Variants in AGAP1 observed in about 807,000 individuals in gnomAD.
The protein encoded by AGAP1 is arf-GAP with GTPase, ANK repeat and PH domain-containing protein 1.
AGAP1 carries 29 observed loss-of-function variants against 105.3 expected under a neutral mutation model. The ratio of observed to expected loss-of-function variants is 0.28; its 90% CI spans 0.21 to 0.38. AGAP1 has a LOEUF of 0.38. AGAP1 is among the 10% of genes least tolerant of loss of function. The probability of loss-of-function intolerance (pLI) is 1.00; values close to 1 mark genes in which losing one functional copy is unlikely to be tolerated. For missense variants in AGAP1, 998 were observed against 1,165.1 expected, an observed-to-expected ratio of 0.86 and a Z score of 2.09; for synonymous variants, 509 against 485.9, an observed-to-expected ratio of 1.05 and a Z score of -0.63.
intron 1 of AGAP1, among the ~76,000 whole-genome samples, chr2:235,675,406 C>T (rs1948683848): frequency 6.6e-6 from 1 of 151,998 alleles, no homozygotes; most frequent in Admixed American, 6.5e-5. Flanking sequence ...GTCTCAATCT[C>T]CTGACCTCGT....
intron 1 of AGAP1, among the ~76,000 whole-genome samples, chr2:235,495,452 A>G (rs958962011): frequency 1.3e-5 from 2 of 152,220 alleles, no homozygotes; most frequent in African/African-American, 4.8e-5. Flanking sequence ...GTACCAACCA[A>G]AAGTCCGGGG....
At chr2:235,968,730 A>G in intron 13 of AGAP1, 107 bp downstream of exon 13, 1 of 1,159,904 alleles carries the variant, frequency 8.6e-7, no homozygotes, top group Non-Finnish European at 1.2e-6. Context: ...ATGCACAGTA[A>G]TGCTGGTCAC....
intron 1 of AGAP1, among the ~76,000 whole-genome samples, chr2:235,579,599 C>T (rs1409701368): frequency 1.3e-5 from 2 of 152,040 alleles, no homozygotes; most frequent in Non-Finnish European, 2.9e-5. Flanking sequence ...CACAGTGAAA[C>T]CCCGTCTCTA....
At chr2:236,018,717 C>G (rs777409899) in intron 13 of AGAP1, among the ~76,000 whole-genome samples, 38 of 152,336 alleles carry the variant, frequency 2.5e-4, no homozygotes, top group South Asian at 6.2e-4. Flanking sequence ...GGTGATGACA[C>G]TTGCATCCAG....
At position 235,894,272 on chromosome 2, in the gene AGAP1, T is replaced by C. The variant is rs115596569; in HGVS notation, c.1155+10823T>C. Among the ~76,000 whole-genome samples the C allele has an allele frequency of 6.2e-3, 939 of 152,232 alleles. 10 individuals carry two copies. The highest frequency in any genetic ancestry group is 0.022 in the African/African-American group (895 of 41,546). Reference sequence around the variant, plus strand: ...GGGGGAAGCAGGAAGAATCCCCAGTTGGTTGGCTATTCTTGGGACCGAAGA... The same window carrying C: ...GGGGGAAGCAGGAAGAATCCCCAGTCGGTTGGCTATTCTTGGGACCGAAGA... On this transcript the variant is annotated intron_variant, in intron 10 of 17. Transcript: ENST00000304032.
intron 3 of AGAP1, 86 bp downstream of exon 3, chr2:235,717,730 G>A: frequency 1.8e-6 from 2 of 1,107,208 alleles, no homozygotes; most frequent in East Asian, 5.1e-5. Flanking sequence ...TGACTTTGAT[G>A]TATCACAGGT....
At chr2:235,527,258 A>C (rs1202817873) in intron 1 of AGAP1, among the ~76,000 whole-genome samples, 1 of 152,214 alleles carries the variant, frequency 6.6e-6, no homozygotes, top group African/African-American at 2.4e-5. Flanking sequence ...CTGCTTAGAC[A>C]TTTAAATTGA....
In AGAP1 at chr2:235,905,466, T is replaced by C. The variant is rs1245391484; in HGVS notation, c.1156-3272T>C. On this transcript the variant is annotated intron_variant, in intron 10 of 17. Transcript: ENST00000304032. The surrounding 1 kb of genome is among the most constrained non-coding windows in gnomAD (Gnocchi z 4.2). ...ACCTTTTTTAGGAAGTGACCAACAC[T>C]CACCACTCTACGGTGTGCTTTTCCT... Among the ~76,000 whole-genome samples, 1 of 152,188 alleles carries C rather than the reference T, an allele frequency of 6.6e-6. No homozygotes were observed. Among genetic ancestry groups the C allele is most frequent in the East Asian group, 1.9e-4 (1 of 5,190 alleles).
At position 236,109,986 on chromosome 2, in the gene AGAP1, G is replaced by A. The variant is rs2059602376; in HGVS notation, c.2115-10206G>A. ...CACCTAGACTCTCAAAGCCCAGAGA[G>A]TCTGGTTGTACAGATGGGAAGATGT... On this transcript the variant is annotated intron_variant, in intron 16 of 17. Coordinates refer to ENST00000304032, the MANE Select transcript of AGAP1 (RefSeq NM_001037131.3). This position sits in a 1 kb window ranked among gnomAD's most constrained non-coding sequence, Gnocchi z 5.4. Among the ~76,000 whole-genome samples the A allele has an allele frequency of 6.6e-6, 1 of 152,190 alleles. No homozygotes were observed. The highest frequency in any genetic ancestry group is 2.1e-4 in the South Asian group (1 of 4,830).
chr2:236,021,810 T>C (rs926711988), intron 13 of AGAP1, among the ~76,000 whole-genome samples: 3 of 151,888 alleles, frequency 2.0e-5, no homozygotes, highest in African/African-American at 7.3e-5. Flanking sequence ...TCTAATCCCA[T>C]CACTTTGGGA....
In AGAP1 at chr2:235,569,131, A is replaced by G. The variant is rs1266804166; in HGVS notation, c.163+74282A>G. Among the ~76,000 whole-genome samples, 4 of 152,252 alleles carry G rather than the reference A, an allele frequency of 2.6e-5. No individual in the cohort carries two copies. Among genetic ancestry groups the G allele is most frequent in the Admixed American group, 6.5e-5 (1 of 15,288 alleles). Reference sequence around the variant, plus strand: ...GTTGTCAGAGACCATCCTGGCCAACATGGCGGAAACCCGTCTCTATTAAAA... The same window carrying G: ...GTTGTCAGAGACCATCCTGGCCAACGTGGCGGAAACCCGTCTCTATTAAAA... On this transcript the variant is annotated intron_variant, in intron 1 of 17. Coordinates refer to ENST00000304032, the MANE Select transcript of AGAP1 (RefSeq NM_001037131.3). The surrounding 1 kb of genome is among the most constrained non-coding windows in gnomAD (Gnocchi z 5.9).
rs543793423 is a variant in AGAP1, at chr2:235,888,069, G to A, written c.1155+4620G>A. On this transcript the variant is annotated intron_variant, in intron 10 of 17. Coordinates refer to ENST00000304032, the MANE Select transcript of AGAP1 (RefSeq NM_001037131.3). The surrounding 1 kb of genome is among the most constrained non-coding windows in gnomAD (Gnocchi z 4.8). ...AGGCTGCGCCCTGGTGCCACCACCA[G>A]CCTCCTTCCATTTGCTTATCATGTT... Among the ~76,000 whole-genome samples the A allele has an allele frequency of 1.2e-4, 18 of 152,292 alleles. No individual in the cohort carries two copies. Among genetic ancestry groups the A allele is most frequent in the Non-Finnish European group, 2.2e-4 (15 of 68,028 alleles).
intron 1 of AGAP1, among the ~76,000 whole-genome samples, chr2:235,628,059 C>G (rs1946700075): frequency 1.3e-5 from 2 of 152,038 alleles, no homozygotes; most frequent in Non-Finnish European, 2.9e-5. Context: ...GGGCAGGCTT[C>G]CCCCCGAAGC....
intron 13 of AGAP1, among the ~76,000 whole-genome samples, chr2:235,999,308 A>ATGGTGG (rs1164925574): frequency 1.3e-4 from 4 of 30,362 alleles, no homozygotes; most frequent in Non-Finnish European, 2.1e-4. Flanking sequence ...GGTGATGGTG[A>ATGGTGG]TGGTGGTGGT....
Position 235,629,372 on chromosome 2 carries a change from A to G in AGAP1, c.164-79807A>G, listed in dbSNP as rs966228943. ...CACTTGTTGATTGATGCCACTGCCC[A>G]TCTCTTGAGATGCAACAGGATCAGA... On this transcript the variant is annotated intron_variant, in intron 1 of 17. Coordinates refer to ENST00000304032, the MANE Select transcript of AGAP1 (RefSeq NM_001037131.3). Among the ~76,000 whole-genome samples, 4 of 151,290 alleles carry G rather than the reference A, an allele frequency of 2.6e-5. No individual in the cohort carries two copies. In the East Asian group the frequency reaches 7.8e-4, roughly 29 times the overall value.
At chr2:235,543,797 C>T (rs1363372248) in intron 1 of AGAP1, among the ~76,000 whole-genome samples, 2 of 152,178 alleles carry the variant, frequency 1.3e-5, no homozygotes, top group Non-Finnish European at 1.5e-5. Context: ...AGTGTCAGGG[C>T]GGTAGCCATC....
intron 1 of AGAP1, among the ~76,000 whole-genome samples, chr2:235,590,306 C>T (rs1945283346): frequency 6.6e-6 from 1 of 152,210 alleles, no homozygotes; most frequent in Non-Finnish European, 1.5e-5. Context: ...CATCAGCTCT[C>T]TGCCCAAAGA....
At chr2:236,010,908 G>T (rs540270273) in intron 13 of AGAP1, among the ~76,000 whole-genome samples, 1 of 152,120 alleles carries the variant, frequency 6.6e-6, no homozygotes, top group Non-Finnish European at 1.5e-5. Context: ...TTAGTCGGGC[G>T]TGGTGGCGGG....
chr2:235,669,071 G>A (rs756828291), intron 1 of AGAP1, among the ~76,000 whole-genome samples: 5 of 152,182 alleles, frequency 3.3e-5, no homozygotes, highest in Non-Finnish European at 5.9e-5. Flanking sequence ...CGTAGCCATG[G>A]AGGTTTATCT....
Sources: gnomAD v4.1 joint callset for allele counts (sites outside exome capture counted in the v4.1 genomes callset) on GRCh38, gnomAD v4.1.1 for gene constraint, Gnocchi (gnomAD v3.1) non-coding constraint, MANE v1.5 for transcripts, NCBI Gene and HGNC (gene_info 2026-07-23, HGNC 2026-07-21) for gene names.